The following ALG1 variants were observed in gnomAD, a reference collection of about 807,000 sequenced individuals.
ALG1 encodes chitobiosyldiphosphodolichol beta-mannosyltransferase.
A neutral mutation model predicts 55.1 loss-of-function variants in ALG1; 58 were observed. The observed-to-expected ratio is 1.05, with a 90% CI of 0.85 to 1.31. ALG1 has a LOEUF of 1.31. ALG1 is among the 50% of genes most tolerant of loss of function. The pLI, the probability that ALG1 is intolerant of heterozygous loss-of-function variation, is 0.00. For synonymous variants in ALG1, 309 were observed against 247.0 expected (o/e 1.25, Z -2.35); for missense variants, 761 against 598.6 (o/e 1.27, Z -2.83).
chr16:5,077,626 G>C, intron 5 of ALG1, 92 bp downstream of exon 5: 1 of 1,348,922 alleles, frequency 7.4e-7, no homozygotes, highest in Middle Eastern at 2.0e-4. Context: ...CCGTCCTGCT[G>C]AGGGGCAATT....
chr16:5,086,387 C>G lies in ALG1; in HGVS notation c.*1506C>G, dbSNP rs1361391939. On this transcript the variant is annotated 3_prime_UTR_variant, in exon 13 of 13. Coordinates refer to ENST00000262374, the MANE Select transcript of ALG1 (RefSeq NM_019109.5). ...CCACACACACACCCACACACACACACAGCTTAGAAGGGGCTGCTGTTCTCA... is the reference window on the plus strand; with the variant it reads ...CCACACACACACCCACACACACACAGAGCTTAGAAGGGGCTGCTGTTCTCA... 6.6e-6 allele frequency: 1 copy of G among 151,348 alleles called. No homozygotes were observed. The highest frequency in any genetic ancestry group is 1.5e-5 in the Non-Finnish European group (1 of 68,436). 9.4% of individuals were successfully genotyped at this position (151,348 alleles called of 1,614,324 possible). A position where few individuals can be genotyped will look rare whatever the true frequency, so the allele number is the denominator to read the frequency against.
chr16:5,078,518 T>A, intron 6 of ALG1: 1 of 757,756 alleles, frequency 1.3e-6, no homozygotes, highest in Non-Finnish European at 2.3e-6. Context: ...GATAAGACAG[T>A]AAGTCCCGTG....
chr16:5,073,216 A>G lies in ALG1; in HGVS notation c.350A>G (p.Lys117Arg). The G allele has an allele frequency of 6.2e-7, 1 of 1,614,144 alleles. No individual in the cohort carries two copies. The highest frequency in any genetic ancestry group is 8.5e-7 in the Non-Finnish European group (1 of 1,180,024). ...VVLQAMYLLW[K>R]LMWREPGAYI... ...CTTCAGGCTATGTACTTGCTGTGGA[A>G]GTTGATGTGGAGGGAGCCAGGTGCC... The change falls in exon 3 of 13, where the codon AAG (lysine) becomes AGG (arginine). Residue 117 changes from lysine (K) to arginine (R), a missense_variant. Transcript: ENST00000262374.
At chr16:5,078,457 TG>T (rs1421591140) in intron 6 of ALG1, 6 of 629,636 alleles carry the variant, frequency 9.5e-6, no homozygotes, top group African/African-American at 3.6e-5. Flanking sequence ...CTGGGTAAGC[TG>T]GGGTGGTGTG....
intron 10 of ALG1, 21 bp downstream of exon 10, chr16:5,081,077 T>C (rs2142722299): frequency 2.0e-5 from 24 of 1,209,938 alleles, no homozygotes; most frequent in Non-Finnish European, 2.8e-5. Flanking sequence ...AGCAGGAGGC[T>C]CAGGGAGGAG....
chr16:5,080,360 C>A (rs139818516), intron 9 of ALG1, among the ~76,000 whole-genome samples: 1 of 152,240 alleles, frequency 6.6e-6, no homozygotes, highest in East Asian at 1.9e-4. Flanking sequence ...TCACTGTGCC[C>A]GGCCATGTCA....
rs1265116644 is a variant in ALG1, at chr16:5,081,602, G to A, written c.1072+546G>A. ...TCTTTGTTTTAGACAGTCTCGCTCC[G>A]TTGCCTAGGCTGGAGTGCATGATCT... On this transcript the variant is annotated intron_variant, in intron 10 of 12. Transcript: ENST00000262374. Among the ~76,000 whole-genome samples, 9 of 152,160 alleles carry A rather than the reference G, an allele frequency of 5.9e-5. No homozygotes were observed. In the East Asian group the frequency reaches 1.3e-3, roughly 23 times the overall value.
At chr16:5,080,319 C>T (rs1380358255) in intron 9 of ALG1, among the ~76,000 whole-genome samples, 1 of 152,128 alleles carries the variant, frequency 6.6e-6, no homozygotes, top group African/African-American at 2.4e-5. Flanking sequence ...CCCGCCTTGG[C>T]CTCCCAATAT....
rs112053875 is a variant in ALG1, at chr16:5,082,717, C to A, written c.1187+44C>A. ...TCCTTCTGGGGATAGCTTTGCAGAT[C>A]CACCGCTGAGGGGGAAGCAGTGCAG... is the stretch of plus-strand genomic sequence containing the variant. On this transcript the variant is annotated intron_variant, in intron 11 of 12. Transcript: ENST00000262374. 6.5e-4 allele frequency: 1,040 copies of A among 1,605,546 alleles called. 9 individuals carry two copies. Among genetic ancestry groups the A allele is most frequent in the African/African-American group, 9.3e-5 (7 of 74,948 alleles).
At chr16:5,073,707 C>T (rs974838794) in intron 3 of ALG1, among the ~76,000 whole-genome samples, 7 of 152,220 alleles carry the variant, frequency 4.6e-5, no homozygotes, top group Non-Finnish European at 1.0e-4. Flanking sequence ...TACGCGCGCA[C>T]ACACAAACAC....
chr16:5,084,464 C>T (rs1244444191), intron 12 of ALG1: 5 of 573,310 alleles, frequency 8.7e-6, no homozygotes, highest in Non-Finnish European at 1.6e-5. Flanking sequence ...TGGCCAGAGG[C>T]CGAGAGGAGG....
In ALG1 at chr16:5,077,448, C is replaced by T. The variant is rs375670899; in HGVS notation, c.543C>T (p.Tyr181=). The T allele has an allele frequency of 1.7e-5, 27 of 1,613,978 alleles. No homozygotes were observed. Among genetic ancestry groups the T allele is most frequent in the Non-Finnish European group, 2.3e-5 (27 of 1,179,878 alleles). ...GACTGCTGATCTCTCTTTTCAGGTA[C>T]GAGAAGTTCTTTGGGCGCCTGTCCC... The part of the protein sequence containing the change: ...NHPLVLLAKW[Y]EKFFGRLSHL... The change falls in exon 5 of 13, where the codon TAC becomes TAT. Residue 181 remains tyrosine, a synonymous_variant. Transcript: ENST00000262374.
chr16:5,082,767 T>G (rs1181379052), intron 11 of ALG1, 94 bp downstream of exon 11: 33 of 1,461,942 alleles, frequency 2.3e-5, no homozygotes, highest in Non-Finnish European at 2.5e-5. Context: ...AGTGAGGCCC[T>G]GCCCCTCGGT....
intron 7 of ALG1, 70 bp from the exon 8 acceptor site, chr16:5,078,994 C>G: frequency 6.3e-6 from 10 of 1,596,188 alleles, no homozygotes; most frequent in South Asian, 1.1e-5. Flanking sequence ...TCAATGAGAA[C>G]GGGAGGGCCT....
chr16:5,086,354 C>T lies in ALG1; in HGVS notation c.*1473C>T, dbSNP rs1166802630. 6.8e-6 allele frequency: 1 copy of T among 147,742 alleles called. No homozygotes were observed. The highest frequency in any genetic ancestry group is 1.5e-5 in the Non-Finnish European group (1 of 67,818). The allele number at this position is 147,742 out of a possible 1,614,324, so 9.2% of individuals were successfully genotyped here. A position where few individuals can be genotyped will look rare whatever the true frequency, so the allele number is the denominator to read the frequency against. On this transcript the variant is annotated 3_prime_UTR_variant, in exon 13 of 13. Coordinates refer to ENST00000262374, the MANE Select transcript of ALG1 (RefSeq NM_019109.5). ...AGTCTCAAAAAAAAAAAAAAAAAACCACACGCACCACACACACACCCACAC... is the reference window on the plus strand; with the variant it reads ...AGTCTCAAAAAAAAAAAAAAAAAACTACACGCACCACACACACACCCACAC...
chr16:5,084,682 C>G (rs1957085729), intron 12 of ALG1, 68 bp from the exon 13 acceptor site: 2 of 1,594,946 alleles, frequency 1.3e-6, no homozygotes, highest in Admixed American at 3.3e-5. Flanking sequence ...CTGGGGTCAG[C>G]CAGGTGGTGA....
chr16:5,077,503 C>G lies in ALG1; in HGVS notation c.598C>G (p.Arg200Gly). ...HLNLCVTNAMREDLADNWHIR... is the reference protein window; with the variant it reads ...HLNLCVTNAMGEDLADNWHIR... ...GAACCTGTGTGTTACCAATGCTATG[C>G]GAGAAGACCTGGCGGATAACTGGCA... The change falls in exon 5 of 13, where the codon CGA (arginine) becomes GGA (glycine). Residue 200 changes from arginine to glycine, a missense_variant. Physicochemically the swap from Arg to Gly is moderately radical, Grantham distance 125 (BLOSUM62 -2). Coordinates refer to ENST00000262374, the MANE Select transcript of ALG1 (RefSeq NM_019109.5). 1 of 1,614,182 alleles carries G rather than the reference C, an allele frequency of 6.2e-7. No homozygotes were observed. Among genetic ancestry groups the G allele is most frequent in the Non-Finnish European group, 8.5e-7 (1 of 1,180,030 alleles).
intron 8 of ALG1, among the ~76,000 whole-genome samples, chr16:5,079,418 G>C (rs1956977602): frequency 6.6e-6 from 1 of 152,176 alleles, no homozygotes; most frequent in Non-Finnish European, 1.5e-5. Flanking sequence ...GAATGGGCAT[G>C]GTGGCTCAAA....
chr16:5,078,906 G>A, intron 7 of ALG1, 28 bp downstream of exon 7: 5 of 1,610,054 alleles, frequency 3.1e-6, no homozygotes, highest in Non-Finnish European at 4.2e-6. Flanking sequence ...GGCACTTGGG[G>A]TTGGTGTGAC....
Sources: gnomAD v4.1 joint callset for allele counts (sites outside exome capture counted in the v4.1 genomes callset) on GRCh38, gnomAD v4.1.1 for gene constraint, MANE v1.5 for transcripts, NCBI Gene and HGNC (gene_info 2026-07-23, HGNC 2026-07-21) for gene names.